The following UBAP2 variants were observed in gnomAD, a reference collection of about 807,000 sequenced individuals.
UBAP2 encodes the protein ubiquitin associated protein 2.
Under a neutral mutation model 139.6 loss-of-function variants are expected in UBAP2, and 75 were observed. The observed-to-expected ratio is 0.54, with a 90% CI of 0.45 to 0.65. The LOEUF is 0.65. Among genes scored for constraint, UBAP2 ranks in the 30% least tolerant of loss-of-function variants. The pLI, the probability that UBAP2 is intolerant of heterozygous loss-of-function variation, is 0.00. For synonymous variants in UBAP2, 526 were observed against 526.2 expected, an observed-to-expected ratio of 1.00 and a Z score of 0.01; for missense variants, 1,368 against 1,369.6, an observed-to-expected ratio of 1.00 and a Z score of 0.02.
chr9:33,962,676 A>AAT (rs1564032675), intron 9 of UBAP2, among the ~76,000 whole-genome samples: 4,311 of 106,656 alleles, frequency 0.04, 94 homozygotes, highest in East Asian at 0.21. Flanking sequence ...AAATAAATAA[A>AAT]TAAATAATTA....
intron 19 of UBAP2, among the ~76,000 whole-genome samples, chr9:33,929,696 C>A (rs1437871998): frequency 6.6e-6 from 1 of 152,140 alleles, no homozygotes; most frequent in Non-Finnish European, 1.5e-5. Context: ...AAAAAAGGAA[C>A]CAAGAATATA....
chr9:33,935,774 A>C, intron 17 of UBAP2, 65 bp downstream of exon 17: 1 of 1,583,148 alleles, frequency 6.3e-7, no homozygotes, highest in Non-Finnish European at 8.7e-7. Context: ...ACATCACGTG[A>C]GCTATCCTCT....
intron 1 of UBAP2, among the ~76,000 whole-genome samples, chr9:34,039,613 C>T (rs1023546638): frequency 1.1e-4 from 16 of 151,924 alleles, no homozygotes; most frequent in Admixed American, 6.6e-4. Context: ...GGATAAAGGG[C>T]GGTGCAAGAT....
rs1491115319 is a variant in UBAP2 at position 33,954,265 on chromosome 9, T to TACACACACAC, written c.867-792_867-791insGTGTGTGTGT. The stretch of plus-strand genomic sequence containing the variant: ...ATCCCATAATACATTTAAGTGTGTG[T>TACACACACAC]ATATACACACACACACACACACACA... On this transcript the variant is annotated intron_variant, in intron 11 of 28. Transcript: ENST00000379238. Among the ~76,000 whole-genome samples the TACACACACAC allele has an allele frequency of 1.5e-4, 18 of 121,210 alleles. No homozygotes were observed. In the East Asian group the frequency reaches 3.8e-3, roughly 26 times the overall value. 79.5% of individuals were successfully genotyped at this position (121,210 alleles called of 152,430 possible).
Position 33,943,537 on chromosome 9 carries a change from T to A in UBAP2, c.1598A>T (p.Asn533Ile). Residue 533 changes from asparagine (N) to isoleucine (I), a missense_variant, in exon 15 of 29, where the codon AAT becomes ATT. Transcript: ENST00000379238. ...AAATTCCAGAGCCCCAAACTGCACA[T>A]TTAATCCTGTGACATCTGCTGAACC... is the stretch of plus-strand genomic sequence containing the variant. ...MPGSADVTGLNVQFGALEFGS... is the reference protein window; with the variant it reads ...MPGSADVTGLIVQFGALEFGS... The A allele has an allele frequency of 6.2e-7, 1 of 1,614,172 alleles. No individual in the cohort carries two copies. The highest frequency in any genetic ancestry group is 8.5e-7 in the Non-Finnish European group (1 of 1,180,026).
At chr9:33,950,129 G>T (rs1825980462) in intron 12 of UBAP2, among the ~76,000 whole-genome samples, 1 of 151,990 alleles carries the variant, frequency 6.6e-6, no homozygotes, top group African/African-American at 2.4e-5. Flanking sequence ...GCAGTGGCGC[G>T]ATCTCGGCTC....
intron 1 of UBAP2, among the ~76,000 whole-genome samples, chr9:34,033,543 C>T (rs1826065048): frequency 6.6e-6 from 1 of 151,108 alleles, no homozygotes; most frequent in East Asian, 1.9e-4. Context: ...TTTGATAGCA[C>T]AATAGGGTAA....
At chr9:34,048,659 G>T (rs1323699301) in intron 1 of UBAP2, among the ~76,000 whole-genome samples, 166 bp downstream of exon 1, 1 of 152,184 alleles carries the variant, frequency 6.6e-6, no homozygotes, top group African/African-American at 2.4e-5. Context: ...GGACGTAGAG[G>T]GACCGTGGAC....
chr9:34,048,206 C>G (rs1026145029), intron 1 of UBAP2, among the ~76,000 whole-genome samples: 1 of 152,180 alleles, frequency 6.6e-6, no homozygotes, highest in Non-Finnish European at 1.5e-5. Flanking sequence ...TTGCCGTTTA[C>G]AAAGCGCTCA....
intron 1 of UBAP2, among the ~76,000 whole-genome samples, chr9:34,047,451 T>C (rs1043447677): frequency 6.6e-6 from 1 of 151,736 alleles, no homozygotes; most frequent in Non-Finnish European, 1.5e-5. Context: ...CACACCAATG[T>C]AGGATACGGG....
At chr9:33,975,270 A>T (rs562350923) in intron 6 of UBAP2, among the ~76,000 whole-genome samples, 1 of 151,634 alleles carries the variant, frequency 6.6e-6, no homozygotes, top group African/African-American at 2.4e-5. Flanking sequence ...TCTTTATTAA[A>T]AAAATGCAAA....
In UBAP2 at chr9:33,986,856, A is replaced by G; in HGVS notation, c.443-19T>C. 1 of 1,610,828 alleles carries G rather than the reference A, an allele frequency of 6.2e-7. No individual in the cohort carries two copies. The highest frequency in any genetic ancestry group is 8.5e-7 in the Non-Finnish European group (1 of 1,177,114). ...CCTCTAACTAGGGGGAAAAGAGCAG[A>G]AAAATCAAATTTCCATTTCCAAACC... On this transcript the variant is annotated intron_variant, in intron 5 of 28. Transcript: ENST00000379238.
At chr9:33,936,480 G>A (rs1204560244) in intron 16 of UBAP2, among the ~76,000 whole-genome samples, 4 of 151,934 alleles carry the variant, frequency 2.6e-5, no homozygotes, top group Non-Finnish European at 5.9e-5. Context: ...TTTTAGTAGA[G>A]ATGGGGTTTC....
At chr9:33,967,518 A>G (rs1827561607) in intron 8 of UBAP2, among the ~76,000 whole-genome samples, 1 of 152,196 alleles carries the variant, frequency 6.6e-6, no homozygotes, top group Non-Finnish European at 1.5e-5. Context: ...TTTGTTTTTA[A>G]TTAGAAAAAT....
intron 7 of UBAP2, among the ~76,000 whole-genome samples, chr9:33,972,811 CTT>C (rs1787454969): frequency 6.6e-6 from 1 of 152,148 alleles, no homozygotes; most frequent in African/African-American, 2.4e-5. Context: ...TAAAATGGCT[CTT>C]AGGCAGTGCC....
chr9:33,932,514 A>C (rs1343380937), intron 19 of UBAP2, 48 bp downstream of exon 19: 1 of 1,606,756 alleles, frequency 6.2e-7, no homozygotes, highest in South Asian at 1.1e-5. Flanking sequence ...ACTAAGCTCC[A>C]GGCTCCCCAA....
intron 6 of UBAP2, among the ~76,000 whole-genome samples, chr9:33,976,597 A>C (rs1178608643): frequency 1.3e-5 from 2 of 152,206 alleles, no homozygotes; most frequent in African/African-American, 4.8e-5. Flanking sequence ...AAAATGTTCT[A>C]AAATTGATTG....
intron 10 of UBAP2, among the ~76,000 whole-genome samples, chr9:33,960,287 A>G (rs940875596): frequency 1.3e-5 from 2 of 152,044 alleles, no homozygotes; most frequent in South Asian, 2.1e-4. Flanking sequence ...CATCTTGACA[A>G]TTGGTCATTT....
At chr9:33,928,417 AG>A (rs1175713919) in intron 19 of UBAP2, 1 of 158,730 alleles carries the variant, frequency 6.3e-6, no homozygotes, top group African/African-American at 2.4e-5. Flanking sequence ...CACAGGCCAC[AG>A]GAAGCCCAGC....
Sources: gnomAD v4.1 joint callset for allele counts (sites outside exome capture counted in the v4.1 genomes callset) on GRCh38, gnomAD v4.1.1 for gene constraint, MANE v1.5 for transcripts, NCBI Gene and HGNC (gene_info 2026-07-23, HGNC 2026-07-21) for gene names.